Variants in PDE1A observed in about 807,000 individuals in gnomAD.
The protein encoded by PDE1A is dual specificity calcium/calmodulin-dependent 3',5'-cyclic nucleotide phosphodiesterase 1A.
PDE1A carries 35 observed loss-of-function variants against 61.7 expected under a neutral mutation model. The observed-to-expected ratio is 0.57, with a 90% CI of 0.43 to 0.75. PDE1A has a LOEUF of 0.75. Ranked by LOEUF, PDE1A falls within the 30% of genes least tolerant of loss-of-function variation. The pLI, the probability that PDE1A is intolerant of heterozygous loss-of-function variation, is 0.00. For synonymous variants in PDE1A, 232 were observed against 213.2 expected (o/e 1.09, Z -0.77); for missense variants, 597 against 630.6 (o/e 0.95, Z 0.57).
chr2:182,247,838 G>A (rs780982823), intron 2 of PDE1A, among the ~76,000 whole-genome samples: 1 of 152,146 alleles, frequency 6.6e-6, no homozygotes, highest in Non-Finnish European at 1.5e-5. Context: ...TTTGTGCAAG[G>A]AGGATGATAA....
At chr2:182,583,243 T>C in the PDE1A span, among the ~76,000 whole-genome samples, 3 of 152,108 alleles carry the variant, frequency 2.0e-5, no homozygotes, top group African/African-American at 7.2e-5. Context: ...TTAATAAGAA[T>C]TGAAAGAGAA....
intron 2 of PDE1A, among the ~76,000 whole-genome samples, chr2:182,437,939 T>C (rs1684544291): frequency 6.6e-6 from 1 of 151,936 alleles, no homozygotes; most frequent in Non-Finnish European, 1.5e-5. Context: ...ATACAGAACA[T>C]TGCTGCTGTT....
At chr2:182,583,451 G>T in the PDE1A span, among the ~76,000 whole-genome samples, 2 of 152,142 alleles carry the variant, frequency 1.3e-5, no homozygotes, top group East Asian at 3.9e-4. Context: ...GAAGCCATCC[G>T]TCCAAAATGC....
intron 1 of PDE1A, among the ~76,000 whole-genome samples, chr2:182,369,377 A>G (rs1700009467): frequency 6.6e-6 from 1 of 152,226 alleles, no homozygotes; most frequent in South Asian, 2.1e-4. Context: ...GAAGACATAA[A>G]ATATAATTAT....
chr2:182,501,371 A>C (rs1689072775), intron 2 of PDE1A, among the ~76,000 whole-genome samples: 1 of 152,206 alleles, frequency 6.6e-6, no homozygotes, highest in African/African-American at 2.4e-5. Context: ...ACACTGTTTA[A>C]GTGTAACTTC....
the PDE1A span, among the ~76,000 whole-genome samples, chr2:182,611,941 C>T: frequency 6.6e-6 from 1 of 152,112 alleles, no homozygotes; most frequent in African/African-American, 2.4e-5. Context: ...GCTTCAACAC[C>T]TTCCATGCCC....
intron 1 of PDE1A, among the ~76,000 whole-genome samples, chr2:182,354,915 G>C (rs1052276181): frequency 6.6e-6 from 1 of 152,016 alleles, no homozygotes. Flanking sequence ...CCTGGACCCT[G>C]TCCAACATAA....
chr2:182,334,839 T>C (rs1697678512), intron 1 of PDE1A, among the ~76,000 whole-genome samples: 1 of 152,134 alleles, frequency 6.6e-6, no homozygotes, highest in African/African-American at 2.4e-5. Flanking sequence ...TCAAATTGTC[T>C]CTGTTTGCAG....
chr2:182,437,987 T>C (rs925798083), intron 2 of PDE1A, among the ~76,000 whole-genome samples: 3 of 151,916 alleles, frequency 2.0e-5, no homozygotes, highest in African/African-American at 7.2e-5. Flanking sequence ...TTCATGAACA[T>C]CAATTTTTTG....
the PDE1A span, among the ~76,000 whole-genome samples, chr2:182,620,649 T>G: frequency 6.6e-6 from 1 of 152,344 alleles, no homozygotes; most frequent in African/African-American, 2.4e-5. Context: ...TAATAAGATT[T>G]ATGTTTTTCA....
intron 1 of PDE1A, among the ~76,000 whole-genome samples, chr2:182,289,336 T>A (rs78784592): frequency 2.7e-5 from 4 of 150,374 alleles, no homozygotes; most frequent in Admixed American, 6.6e-5. Context: ...TCAGGTAACA[T>A]AGCAGACCAA....
At chr2:182,323,533 C>T (rs1032140992) in intron 1 of PDE1A, among the ~76,000 whole-genome samples, 1 of 152,138 alleles carries the variant, frequency 6.6e-6, no homozygotes, top group Non-Finnish European at 1.5e-5. Flanking sequence ...TCTACCCCTG[C>T]CCTAATGTTT....
intron 1 of PDE1A, among the ~76,000 whole-genome samples, chr2:182,303,851 C>G (rs1559315886): frequency 6.6e-6 from 1 of 152,134 alleles, no homozygotes; most frequent in Non-Finnish European, 1.5e-5. Flanking sequence ...GTATTTGCTG[C>G]TTCATCTTGC....
chr2:182,427,040 A>G lies in PDE1A; in HGVS notation c.-410T>C. On this transcript the variant is annotated 5_prime_UTR_variant, in exon 1 of 14. Transcript: ENST00000351439. ...CATGCTGGTCAAGCTCCGAAAGGCT[A>G]AGTCCCTCCCTGTCTTTAAAACAGA... 1 of 994,234 alleles carries G rather than the reference A, an allele frequency of 1.0e-6. No homozygotes were observed. Among genetic ancestry groups the G allele is most frequent in the Non-Finnish European group, 1.2e-6 (1 of 835,800 alleles). 61.6% of individuals were successfully genotyped at this position (994,234 alleles called of 1,614,324 possible).
chr2:182,220,045 A>G (rs955183679), intron 7 of PDE1A, among the ~76,000 whole-genome samples: 1 of 152,056 alleles, frequency 6.6e-6, no homozygotes, highest in African/African-American at 2.4e-5. Flanking sequence ...ACATATGATA[A>G]ATGACCTACC....
chr2:182,355,165 A>G (rs1005236528), intron 1 of PDE1A, among the ~76,000 whole-genome samples: 1 of 152,066 alleles, frequency 6.6e-6, no homozygotes, highest in Non-Finnish European at 1.5e-5. Flanking sequence ...TAAATAAAAA[A>G]GAAATGTATA....
intron 1 of PDE1A, among the ~76,000 whole-genome samples, chr2:182,415,091 TA>T (rs1245335482): frequency 6.6e-6 from 1 of 151,972 alleles, no homozygotes; most frequent in African/African-American, 2.4e-5. Flanking sequence ...AGAAGCATTT[TA>T]AAAAAAATTC....
intron 2 of PDE1A, among the ~76,000 whole-genome samples, chr2:182,251,473 G>A (rs182300783): frequency 1.3e-5 from 2 of 152,250 alleles, no homozygotes; most frequent in East Asian, 3.9e-4. Flanking sequence ...CACTAGACCA[G>A]AAGAATTAGC....
At chr2:182,243,416 A>C (rs1449721114) in intron 2 of PDE1A, among the ~76,000 whole-genome samples, 4 of 152,162 alleles carry the variant, frequency 2.6e-5, no homozygotes, top group African/African-American at 9.7e-5. Context: ...TATCTATTCC[A>C]GATAGAAAGA....
Sources: allele counts gnomAD v4.1 joint callset (sites outside exome capture counted in the v4.1 genomes callset), GRCh38; gene constraint gnomAD v4.1.1; transcripts MANE v1.5; gene names NCBI Gene and HGNC (gene_info 2026-07-23, HGNC 2026-07-21).